Variants in EYS observed in about 807,000 individuals in gnomAD.
The protein encoded by EYS is protein eyes shut homolog.
EYS carries 250 observed loss-of-function variants against 282.1 expected under a neutral mutation model. The observed-to-expected ratio is 0.89, with a 90% CI of 0.80 to 0.98. EYS has a LOEUF of 0.98. Ranked by LOEUF, EYS falls within the 50% of genes least tolerant of loss-of-function variation. The pLI is 0.00. For missense variants in EYS, 4,016 were observed against 3,709.0 expected, an observed-to-expected ratio of 1.08 and a Z score of -2.15; for synonymous variants, 1,355 against 1,282.9, an observed-to-expected ratio of 1.06 and a Z score of -1.20.
At chr6:64,529,030 A>G (rs1001638248) in intron 26 of EYS, among the ~76,000 whole-genome samples, 2 of 152,164 alleles carry the variant, frequency 1.3e-5, no homozygotes, top group African/African-American at 2.4e-5. Flanking sequence ...TTTTGAATCT[A>G]TTAGATCCTA....
chr6:65,289,783 G>C (rs1461709515), intron 12 of EYS, among the ~76,000 whole-genome samples: 1 of 150,920 alleles, frequency 6.6e-6, no homozygotes, highest in East Asian at 1.9e-4. Context: ...AGTCCTCTTG[G>C]TAGGTGCTAG....
intron 7 of EYS, among the ~76,000 whole-genome samples, chr6:65,397,385 T>A (rs1221962594): frequency 6.6e-6 from 1 of 151,968 alleles, no homozygotes; most frequent in Non-Finnish European, 1.5e-5. Flanking sequence ...CATCCCACCT[T>A]TTAGAGTCTC....
chr6:64,673,606 C>T (rs1769544820), intron 22 of EYS, among the ~76,000 whole-genome samples: 1 of 152,016 alleles, frequency 6.6e-6, no homozygotes, highest in African/African-American at 2.4e-5. Flanking sequence ...TTATACTTAT[C>T]GAGACTATTC....
At chr6:64,645,337 C>T (rs1163683189) in intron 22 of EYS, among the ~76,000 whole-genome samples, 1 of 152,172 alleles carries the variant, frequency 6.6e-6, no homozygotes, top group Admixed American at 6.5e-5. Flanking sequence ...TAAAGCAGAA[C>T]GATTTTAGAC....
intron 14 of EYS, among the ~76,000 whole-genome samples, chr6:64,983,333 T>C (rs80253396): frequency 0.024 from 3,600 of 151,310 alleles, 73 homozygotes; most frequent in Non-Finnish European, 0.038. Flanking sequence ...AAAAGATAGA[T>C]AACTGCATTA....
At chr6:64,185,637 A>G (rs1369092522) in intron 31 of EYS, among the ~76,000 whole-genome samples, 1 of 152,196 alleles carries the variant, frequency 6.6e-6, no homozygotes, top group Non-Finnish European at 1.5e-5. Flanking sequence ...CAGGTCTAAT[A>G]TCCTATATTG....
chr6:64,522,409 A>G lies in EYS; in HGVS notation c.5644+67814T>C, dbSNP rs1197059204. Among the ~76,000 whole-genome samples, 3 of 151,716 alleles carry G rather than the reference A, an allele frequency of 2.0e-5. No individual in the cohort carries two copies. The East Asian group carries it at 5.8e-4, about 29-fold the overall frequency. ...AGAAAAGAACATAAACTGAGACTTA[A>G]AGGGGCAGTGGAGTGGGGTGGGAAG... On this transcript the variant is annotated intron_variant, in intron 26 of 42. Transcript: ENST00000503581.
intron 26 of EYS, among the ~76,000 whole-genome samples, chr6:64,568,861 A>G (rs538876429): frequency 1.8e-4 from 28 of 152,200 alleles, no homozygotes; most frequent in African/African-American, 6.7e-4. Flanking sequence ...GACCTCCAGC[A>G]AACTCCAGCA....
In EYS at chr6:64,484,771, G is replaced by C. The variant is rs553020990; in HGVS notation, c.5645-45419C>G. Among the ~76,000 whole-genome samples, 3 of 151,618 alleles carry C rather than the reference G, an allele frequency of 2.0e-5. No homozygotes were observed. In the East Asian group the frequency reaches 5.9e-4, roughly 30 times the overall value. On this transcript the variant is annotated intron_variant, in intron 26 of 42. Coordinates refer to ENST00000503581, the MANE Select transcript of EYS (RefSeq NM_001142800.2). ...AGGACCGAGGAAAATTCAAATCCTT[G>C]TCCTCAGGATTAAGGGCCATAAAAC... is the stretch of plus-strand genomic sequence containing the variant.
intron 29 of EYS, among the ~76,000 whole-genome samples, chr6:64,371,892 C>G (rs1767579): frequency 0.72 from 108,971 of 151,898 alleles, 39,287 homozygotes; most frequent in African/African-American, 0.79. Flanking sequence ...CCTTTTATTT[C>G]AGCCTATGGG....
At chr6:64,003,912 T>C (rs1016004919) in intron 33 of EYS, among the ~76,000 whole-genome samples, 1 of 152,162 alleles carries the variant, frequency 6.6e-6, no homozygotes, top group African/African-American at 2.4e-5. Context: ...CATGTTTGCT[T>C]CCCCTTCTGC....
At chr6:65,505,312 C>T (rs1766616519) in intron 2 of EYS, among the ~76,000 whole-genome samples, 1 of 151,628 alleles carries the variant, frequency 6.6e-6, no homozygotes, top group Admixed American at 6.6e-5. Flanking sequence ...CCTTGATTAG[C>T]CTGACTAGAG....
intron 8 of EYS, among the ~76,000 whole-genome samples, chr6:65,356,079 T>C (rs1381643006): frequency 6.6e-6 from 1 of 152,082 alleles, no homozygotes. Context: ...TCAATCTAAG[T>C]GTCCACCAAT....
At chr6:64,380,427 G>C (rs1772705863) in intron 29 of EYS, among the ~76,000 whole-genome samples, 2 of 151,998 alleles carry the variant, frequency 1.3e-5, no homozygotes, top group Admixed American at 1.3e-4. Flanking sequence ...ATTTTTCACA[G>C]AAAAATAAGT....
intron 12 of EYS, among the ~76,000 whole-genome samples, chr6:65,144,472 A>C (rs1222323552): frequency 1.3e-5 from 2 of 152,140 alleles, no homozygotes; most frequent in African/African-American, 4.8e-5. Context: ...AAAGAGAGAA[A>C]ACGAATTTGG....
intron 22 of EYS, 135 bp from the exon 23 acceptor site, chr6:64,626,380 G>A: frequency 1.0e-6 from 1 of 985,124 alleles, no homozygotes; most frequent in Admixed American, 3.4e-5. Flanking sequence ...TCCTTGGGGT[G>A]ACAATGAGTT....
At chr6:64,406,360 T>C (rs1773707814) in intron 28 of EYS, among the ~76,000 whole-genome samples, 1 of 152,120 alleles carries the variant, frequency 6.6e-6, no homozygotes, top group Non-Finnish European at 1.5e-5. Flanking sequence ...ATAAAAACCC[T>C]AGAGGAAAAC....
At chr6:64,747,299 C>A (rs796319492) in intron 22 of EYS, among the ~76,000 whole-genome samples, 57 of 152,230 alleles carry the variant, frequency 3.7e-4, no homozygotes, top group African/African-American at 1.2e-3. Context: ...CTTTTCTCTT[C>A]TCTGCATTTT....
intron 2 of EYS, among the ~76,000 whole-genome samples, chr6:65,557,214 G>A (rs537169136): frequency 5.9e-5 from 9 of 152,208 alleles, no homozygotes; most frequent in South Asian, 2.1e-4. Context: ...GGCTTGCTCC[G>A]CCCACCCAGC....
Sources: allele counts gnomAD v4.1 joint callset (sites outside exome capture counted in the v4.1 genomes callset), GRCh38; gene constraint gnomAD v4.1.1; transcripts MANE v1.5; gene names NCBI Gene and HGNC (gene_info 2026-07-23, HGNC 2026-07-21).